Variants in CEP70 observed in about 807,000 individuals in gnomAD.
CEP70 encodes centrosomal protein of 70 kDa.
CEP70 carries 70 observed loss-of-function variants against 90.9 expected under a neutral mutation model. That is an observed-to-expected ratio of 0.77 (90% confidence interval 0.64 to 0.94). The LOEUF (loss-of-function observed/expected upper bound fraction) is 0.94, where lower values mean the gene tolerates loss of function less well. CEP70 is among the 40% of genes least tolerant of loss of function. CEP70 has a pLI of 0.00. For synonymous variants in CEP70, 220 were observed against 228.3 expected, an observed-to-expected ratio of 0.96 and a Z score of 0.33; for missense variants, 648 against 669.0, an observed-to-expected ratio of 0.97 and a Z score of 0.35.
intron 16 of CEP70, among the ~76,000 whole-genome samples, chr3:138,498,787 C>A (rs1435913577): frequency 1.3e-5 from 2 of 151,898 alleles, no homozygotes; most frequent in African/African-American, 2.4e-5. Flanking sequence ...GTGGCTCATG[C>A]CTGTAATCCC....
chr3:138,591,766 G>T, intron 2 of CEP70, 88 bp downstream of exon 2: 1 of 1,049,652 alleles, frequency 9.5e-7, no homozygotes, highest in African/African-American at 1.6e-5. Flanking sequence ...GGAAATATAT[G>T]TAATGAACCT....
At chr3:138,530,256 TA>T (rs1466567647) in intron 8 of CEP70, among the ~76,000 whole-genome samples, 1 of 152,202 alleles carries the variant, frequency 6.6e-6, no homozygotes, top group Non-Finnish European at 1.5e-5. Context: ...ATCTTAAATT[TA>T]AAAATTGAAG....
chr3:138,521,265 G>A (rs574073768), intron 11 of CEP70, among the ~76,000 whole-genome samples: 4 of 152,232 alleles, frequency 2.6e-5, no homozygotes, highest in East Asian at 1.9e-4. Flanking sequence ...CTGCCAGGCC[G>A]CCCATCGTCT....
In CEP70 at chr3:138,508,556, A is replaced by G. The variant is rs1375408143; in HGVS notation, c.945-12T>C. On this transcript the variant is annotated splice_polypyrimidine_tract_variant and intron_variant, in intron 11 of 17. Transcript: ENST00000264982. ...TAAGCTCCTGTAATCTAAAAGGGGG[A>G]AAAAAATCAAGATAATACAAAATTA... The G allele has an allele frequency of 1.3e-6, 2 of 1,501,656 alleles. No individual in the cohort carries two copies. Among genetic ancestry groups the G allele is most frequent in the African/African-American group, 1.4e-5 (1 of 72,486 alleles). 93.0% of individuals were successfully genotyped at this position (1,501,656 alleles called of 1,614,324 possible).
At chr3:138,510,006 A>G (rs947493527) in intron 11 of CEP70, among the ~76,000 whole-genome samples, 1 of 152,204 alleles carries the variant, frequency 6.6e-6, no homozygotes, top group African/African-American at 2.4e-5. Flanking sequence ...TGAAAAGGTG[A>G]AAGTTCTCCA....
At chr3:138,524,271 C>T (rs2108808334) in intron 11 of CEP70, among the ~76,000 whole-genome samples, 1 of 151,566 alleles carries the variant, frequency 6.6e-6, no homozygotes, top group South Asian at 2.1e-4. Flanking sequence ...CCATAAAAAC[C>T]CTAGAAGAAA....
intron 11 of CEP70, among the ~76,000 whole-genome samples, chr3:138,516,204 A>G (rs2036003764): frequency 6.6e-6 from 1 of 152,014 alleles, no homozygotes; most frequent in Admixed American, 6.6e-5. Flanking sequence ...GACCTTTTCT[A>G]TTTTGTTTAC....
chr3:138,570,485 G>A lies in CEP70; in HGVS notation c.298C>T (p.Leu100=). The change falls in exon 6 of 18, where the codon CTA becomes TTA. Residue 100 remains leucine (L), a synonymous_variant. Coordinates refer to ENST00000264982, the MANE Select transcript of CEP70 (RefSeq NM_024491.4). The part of the protein sequence containing the change: ...TNQQLRNELQ[L]EQSRAANQEQ... ...TGATTGGCTGCTCGGCTTTGCTCTA[G>A]CTGAAGTTCATTTCTAAGTTAATAG... 1 of 1,603,778 alleles carries A rather than the reference G, an allele frequency of 6.2e-7. No homozygotes were observed. Among genetic ancestry groups the A allele is most frequent in the African/African-American group, 1.3e-5 (1 of 74,294 alleles).
At chr3:138,507,791 T>G (rs1472807369) in intron 12 of CEP70, among the ~76,000 whole-genome samples, 5 of 152,156 alleles carry the variant, frequency 3.3e-5, no homozygotes, top group African/African-American at 1.2e-4. Flanking sequence ...ATAATAACCA[T>G]GCAGGAATTT....
chr3:138,502,882 A>G (rs1324292674), intron 13 of CEP70, among the ~76,000 whole-genome samples: 1 of 152,198 alleles, frequency 6.6e-6, no homozygotes, highest in Non-Finnish European at 1.5e-5. Context: ...TAGCAAAGCA[A>G]AAGTATTCAA....
At chr3:138,518,389 G>A (rs1389231143) in intron 11 of CEP70, among the ~76,000 whole-genome samples, 1 of 152,232 alleles carries the variant, frequency 6.6e-6, no homozygotes, top group African/African-American at 2.4e-5. Context: ...GCCTCCTCAA[G>A]TGGGTCCCTG....
At chr3:138,592,828 C>T (rs2042450777) in intron 1 of CEP70, among the ~76,000 whole-genome samples, 1 of 152,148 alleles carries the variant, frequency 6.6e-6, no homozygotes, top group Non-Finnish European at 1.5e-5. Flanking sequence ...ACACCAAAAT[C>T]TGTAAGCATC....
intron 17 of CEP70, chr3:138,496,720 T>A (rs924289696): frequency 2.0e-6 from 2 of 985,444 alleles, no homozygotes; most frequent in Non-Finnish European, 2.4e-6. Flanking sequence ...AAAACTGTCA[T>A]GTTTGCCAGA....
At position 138,532,510 on chromosome 3, in the gene CEP70, G is replaced by A. The variant is rs766645741; in HGVS notation, c.692+4C>T. 6.0e-6 allele frequency: 9 copies of A among 1,499,074 alleles called. No homozygotes were observed. Among genetic ancestry groups the A allele is most frequent in the African/African-American group, 1.4e-5 (1 of 69,228 alleles). The allele number at this position is 1,499,074 out of a possible 1,614,324, so 92.9% of individuals were successfully genotyped here. On this transcript the variant is annotated splice_donor_region_variant and intron_variant, in intron 8 of 17. Coordinates refer to ENST00000264982, the MANE Select transcript of CEP70 (RefSeq NM_024491.4). ...TAAAAACTGTAATACAGGATTACTC[G>A]TACCTTTGTGTATGAATTTTTCTAA...
At chr3:138,496,178 A>C in intron 17 of CEP70, 5 of 985,436 alleles carry the variant, frequency 5.1e-6, no homozygotes, top group Non-Finnish European at 6.0e-6. Flanking sequence ...TTATTCTGTT[A>C]AGCCATCATT....
chr3:138,566,992 GGATA>G (rs1244865951), intron 6 of CEP70, among the ~76,000 whole-genome samples: 6 of 152,026 alleles, frequency 3.9e-5, no homozygotes, highest in Non-Finnish European at 7.4e-5. Context: ...ACAGATGAAT[GGATA>G]AACAAACTGT....
intron 11 of CEP70, among the ~76,000 whole-genome samples, chr3:138,520,476 AAACT>A (rs1469672244): frequency 4.6e-5 from 7 of 152,160 alleles, no homozygotes; most frequent in Non-Finnish European, 7.4e-5. Context: ...AAATTATAAC[AAACT>A]GTCTCTCAGA....
intron 2 of CEP70, among the ~76,000 whole-genome samples, chr3:138,584,664 T>C (rs569954160): frequency 1.3e-5 from 2 of 152,016 alleles, no homozygotes; most frequent in African/African-American, 4.8e-5. Context: ...ATGTGATACA[T>C]CATTATCAAC....
intron 3 of CEP70, 97 bp from the exon 4 acceptor site, chr3:138,571,453 T>C (rs1186464514): frequency 1.2e-6 from 1 of 828,564 alleles, no homozygotes; most frequent in African/African-American, 1.7e-5. Context: ...TAGAACTTTT[T>C]CTTCAAAAGT....
Sources: gnomAD v4.1 joint callset for allele counts (sites outside exome capture counted in the v4.1 genomes callset) on GRCh38, gnomAD v4.1.1 for gene constraint, MANE v1.5 for transcripts, NCBI Gene and HGNC (gene_info 2026-07-23, HGNC 2026-07-21) for gene names.